NMNAT3: variants seen among roughly 807,000 people sequenced by gnomAD.
NMNAT3 encodes nicotinamide/nicotinic acid mononucleotide adenylyltransferase 3.
NMNAT3 carries 21 observed loss-of-function variants against 24.8 expected under a neutral mutation model. The observed-to-expected ratio is 0.85, with a 90% CI of 0.60 to 1.22. NMNAT3 has a LOEUF of 1.22. Among genes scored for constraint, NMNAT3 ranks in the 50% most tolerant of loss-of-function variants. The pLI is 0.00. For synonymous variants in NMNAT3, 136 were observed against 155.2 expected (o/e 0.88, Z 0.92); for missense variants, 387 against 436.6 (o/e 0.89, Z 1.01).
chr3:139,585,705 A>G (rs745770968), intron 3 of NMNAT3, among the ~76,000 whole-genome samples: 2 of 152,202 alleles, frequency 1.3e-5, no homozygotes, highest in Non-Finnish European at 2.9e-5. Flanking sequence ...GGAGTTTCAA[A>G]TCTGAGCAAG....
At chr3:139,594,630 C>T (rs1218959132) in intron 3 of NMNAT3, among the ~76,000 whole-genome samples, 2 of 152,188 alleles carry the variant, frequency 1.3e-5, no homozygotes, top group Non-Finnish European at 2.9e-5. Context: ...AAGTGGGCTT[C>T]ATCCCTGGGA....
chr3:139,653,754 A>G (rs2057137012), intron 1 of NMNAT3, among the ~76,000 whole-genome samples: 1 of 152,196 alleles, frequency 6.6e-6, no homozygotes, highest in South Asian at 2.1e-4. Context: ...CTCCTCAAGC[A>G]AACCGTAGCT....
At position 139,605,137 on chromosome 3, in the gene NMNAT3, C is replaced by T. The variant is rs530489990; in HGVS notation, c.110-21929G>A. On this transcript the variant is annotated intron_variant, in intron 3 of 6. Transcript: ENST00000643695. ...GTTTTTCAAGCACATCCACCGATAGCAAGACCCACTGGAGGCAGATCAGCG... is the reference window on the plus strand; with the variant it reads ...GTTTTTCAAGCACATCCACCGATAGTAAGACCCACTGGAGGCAGATCAGCG... 2.6e-5 allele frequency among the ~76,000 whole-genome samples: 4 copies of T among 152,272 alleles called. No homozygotes were observed. The East Asian group carries it at 7.7e-4, about 29-fold the overall frequency.
rs922600933 is a variant in NMNAT3, at chr3:139,607,931, C to T, written c.109+19685G>A. ...CCAAGGCCTAACTCCGTCTTGACAA[C>T]CCCATCTTTAGGAATATTTATACAG... On this transcript the variant is annotated intron_variant, in intron 3 of 6. Transcript: ENST00000643695. Among the ~76,000 whole-genome samples, 4 of 152,174 alleles carry T rather than the reference C, an allele frequency of 2.6e-5. No homozygotes were observed. In the East Asian group the frequency reaches 7.7e-4, roughly 29 times the overall value.
At chr3:139,607,055 G>C (rs2054979548) in intron 3 of NMNAT3, among the ~76,000 whole-genome samples, 1 of 152,074 alleles carries the variant, frequency 6.6e-6, no homozygotes, top group African/African-American at 2.4e-5. Context: ...ATGGCATTTA[G>C]AAACCAAGGG....
chr3:139,657,827 C>T (rs1356250491), intron 1 of NMNAT3, among the ~76,000 whole-genome samples: 1 of 149,608 alleles, frequency 6.7e-6, no homozygotes, highest in African/African-American at 2.5e-5. Flanking sequence ...TGGGGGGTAT[C>T]ATGGTGGGTG....
intron 1 of NMNAT3, among the ~76,000 whole-genome samples, chr3:139,648,013 G>A (rs1471040809): frequency 6.6e-6 from 1 of 152,178 alleles, no homozygotes; most frequent in Admixed American, 6.5e-5. Context: ...TGGAATAGGA[G>A]AGGGTTGAAT....
intron 4 of NMNAT3, among the ~76,000 whole-genome samples, chr3:139,580,689 T>A (rs1940053879): frequency 6.6e-6 from 1 of 152,206 alleles, no homozygotes; most frequent in South Asian, 2.1e-4. Flanking sequence ...CTGATTTAAT[T>A]TCCTTAATGA....
rs543423965 is a variant in NMNAT3, at chr3:139,624,863, T to C, written c.109+2753A>G. 1.7e-3 allele frequency among the ~76,000 whole-genome samples: 261 copies of C among 152,302 alleles called. 1 individual carries two copies. The highest frequency in any genetic ancestry group is 2.0e-3 in the Non-Finnish European group (137 of 68,028). On this transcript the variant is annotated intron_variant, in intron 3 of 6. Coordinates refer to ENST00000643695, the MANE Select transcript of NMNAT3 (RefSeq NM_001320510.2). ...CAGTGGTCTATAAATGTCAATTAGG[T>C]CAAATTGTTTAATAGTGTTGTTCAA...
At position 139,634,655 on chromosome 3, in the gene NMNAT3, G is replaced by A. The variant is rs2056434126; in HGVS notation, c.-41+3308C>T. The A allele has an allele frequency of 6.6e-6, 1 of 152,272 alleles. No individual in the cohort carries two copies. The highest frequency in any genetic ancestry group is 1.5e-5 in the Non-Finnish European group (1 of 68,012). The allele number at this position is 152,272 out of a possible 1,614,324, so 9.4% of individuals were successfully genotyped here. A position where few individuals can be genotyped will look rare whatever the true frequency, so the allele number is the denominator to read the frequency against. On this transcript the variant is annotated intron_variant, in intron 2 of 6. Transcript: ENST00000643695. ...ATCCTCTGCCAGCCACCCCTTGGAG[G>A]AAACAAACATGTCAATTAAGCATTC...
intron 1 of NMNAT3, among the ~76,000 whole-genome samples, chr3:139,672,127 TC>T (rs1268816156): frequency 3.3e-5 from 5 of 152,296 alleles, no homozygotes; most frequent in African/African-American, 1.2e-4. Context: ...CTCTCCTCTT[TC>T]CAGAACACTG....
At chr3:139,664,253 G>A (rs1037425160) in intron 1 of NMNAT3, among the ~76,000 whole-genome samples, 2 of 152,158 alleles carry the variant, frequency 1.3e-5, no homozygotes, top group Non-Finnish European at 2.9e-5. Flanking sequence ...TTCACAGTCT[G>A]AAATTCAAAT....
At chr3:139,573,530 T>C (rs1168402464) in intron 6 of NMNAT3, 68 bp downstream of exon 6, 4 of 933,370 alleles carry the variant, frequency 4.3e-6, no homozygotes, top group Non-Finnish European at 6.4e-6. Flanking sequence ...TGACCACCCC[T>C]ACCCCCTTCA....
At chr3:139,595,308 AAG>A (rs768700451) in intron 3 of NMNAT3, among the ~76,000 whole-genome samples, 6 of 152,204 alleles carry the variant, frequency 3.9e-5, no homozygotes, top group Non-Finnish European at 5.9e-5. Flanking sequence ...AAGGAAATGA[AAG>A]AGGATACAAA....
At chr3:139,651,746 G>A (rs1173012618) in intron 1 of NMNAT3, among the ~76,000 whole-genome samples, 3 of 152,156 alleles carry the variant, frequency 2.0e-5, no homozygotes, top group Non-Finnish European at 4.4e-5. Context: ...CTCCGGGCAA[G>A]GGTGCAAAAT....
chr3:139,640,872 G>A (rs528207677), intron 1 of NMNAT3, among the ~76,000 whole-genome samples: 9 of 152,334 alleles, frequency 5.9e-5, no homozygotes, highest in African/African-American at 2.2e-4. Context: ...AATCTAGGCA[G>A]GGATCTATGA....
chr3:139,627,561 C>T, intron 3 of NMNAT3, 55 bp downstream of exon 4: 1 of 987,244 alleles, frequency 1.0e-6, no homozygotes. Context: ...CCAGAAAAGC[C>T]CCATGAAGCC....
chr3:139,639,415 A>C (rs6439872), intron 1 of NMNAT3, among the ~76,000 whole-genome samples: 14,094 of 152,264 alleles, frequency 0.093, 1,088 homozygotes, highest in East Asian at 0.23. Flanking sequence ...AATAGCTAAC[A>C]GCAGCCTTGG....
At chr3:139,675,163 C>CACACACACAT in intron 1 of NMNAT3, among the ~76,000 whole-genome samples, 1 of 151,618 alleles carries the variant, frequency 6.6e-6, no homozygotes, top group Admixed American at 6.6e-5. Flanking sequence ...CACACACACA[C>CACACACACAT]GTGCACATAT....
Sources: allele counts gnomAD v4.1 joint callset (sites outside exome capture counted in the v4.1 genomes callset), GRCh38; gene constraint gnomAD v4.1.1; transcripts MANE v1.5; gene names NCBI Gene and HGNC (gene_info 2026-07-23, HGNC 2026-07-21).